The following ANKFY1 variants were observed in gnomAD, a reference collection of about 807,000 sequenced individuals.
ANKFY1 encodes ankyrin repeat and FYVE domain-containing protein 1.
ANKFY1 carries 47 observed loss-of-function variants against 128.3 expected under a neutral mutation model. That is an observed-to-expected ratio of 0.37 (90% CI 0.29 to 0.47). ANKFY1 has a LOEUF of 0.47. ANKFY1 is among the 20% of genes least tolerant of loss of function. The pLI, the probability that ANKFY1 is intolerant of heterozygous loss-of-function variation, is 1.00. For synonymous variants in ANKFY1, 553 were observed against 601.6 expected (o/e 0.92, Z 1.18); for missense variants, 1,222 against 1,510.6 (o/e 0.81, Z 3.17).
chr17:4,226,865 A>G (rs1567961171), intron 3 of ANKFY1, among the ~76,000 whole-genome samples: 1 of 152,186 alleles, frequency 6.6e-6, no homozygotes, highest in Non-Finnish European at 1.5e-5. Context: ...ATCAAGAAAA[A>G]AAGAGTGAGA....
rs1019067560 is a variant in ANKFY1, at chr17:4,172,503, C to T, written c.3139+53G>A. The stretch of plus-strand genomic sequence containing the variant: ...ACGTGTGCCTGGGCTCTTGCTTTTC[C>T]AGGAAGCAAGGTGCGCAAGTGAGAC... On this transcript the variant is annotated intron_variant, in intron 22 of 24. Coordinates refer to ENST00000341657, the MANE Select transcript of ANKFY1 (RefSeq NM_001330063.2). The T allele has an allele frequency of 3.8e-6, 6 of 1,586,590 alleles. No homozygotes were observed. In the East Asian group the frequency reaches 6.7e-5, roughly 18 times the overall value.
chr17:4,239,635 T>C (rs892969565), intron 2 of ANKFY1, among the ~76,000 whole-genome samples: 29 of 152,004 alleles, frequency 1.9e-4, no homozygotes, highest in Non-Finnish European at 1.5e-5. Context: ...ACCTCCCAGG[T>C]TGAAGCAATT....
chr17:4,192,360 G>A lies in ANKFY1; in HGVS notation c.1372+2618C>T, dbSNP rs537568303. ...TGCTCTAATCTGGAGACTCCTAGTT[G>A]ATGGTTAATCTGGAGACTCCTAGTT... On this transcript the variant is annotated intron_variant, in intron 10 of 24. Coordinates refer to ENST00000341657, the MANE Select transcript of ANKFY1 (RefSeq NM_001330063.2). Among the ~76,000 whole-genome samples, 317 of 148,722 alleles carry A rather than the reference G, an allele frequency of 2.1e-3. 2 individuals are homozygous for A. The highest frequency in any genetic ancestry group is 3.7e-3 in the Non-Finnish European group (252 of 67,334).
rs3051790 is a variant in ANKFY1 at position 4,194,458 on chromosome 17, C to CTTT, written c.1372+517_1372+519dup. ...GGGAAAGGGCTGTTTTAATATCCATCTTTTTTTTTTTTTTTTTTTTTGGTC... is the reference window on the plus strand; with the variant it reads ...GGGAAAGGGCTGTTTTAATATCCATCTTTTTTTTTTTTTTTTTTTTTTTTGGTC... On this transcript the variant is annotated intron_variant, in intron 10 of 24. Coordinates refer to ENST00000341657, the MANE Select transcript of ANKFY1 (RefSeq NM_001330063.2). The CTTT allele has an allele frequency of 3.8e-3, 387 of 101,840 alleles. 7 individuals are homozygous for CTTT. Among genetic ancestry groups the CTTT allele is most frequent in the Non-Finnish European group, 4.8e-3 (257 of 53,726 alleles). 6.3% of individuals were successfully genotyped at this position (101,840 alleles called of 1,614,324 possible). A position where few individuals can be genotyped will look rare whatever the true frequency, so the allele number is the denominator to read the frequency against.
At position 4,169,054 on chromosome 17, in the gene ANKFY1, G is replaced by A; in HGVS notation, c.3377+144C>T. 1.4e-6 allele frequency: 1 copy of A among 698,358 alleles called. No individual in the cohort carries two copies. Among genetic ancestry groups the A allele is most frequent in the Non-Finnish European group, 2.5e-6 (1 of 404,078 alleles). 43.3% of individuals were successfully genotyped at this position (698,358 alleles called of 1,614,324 possible). On this transcript the variant is annotated intron_variant, in intron 24 of 24. Transcript: ENST00000341657. The surrounding 1 kb of genome is among the most constrained non-coding windows in gnomAD (Gnocchi z 5.0). ...GTTCCTCAGTAGGATCCTTGGGTGT[G>A]CTCATCTCATCCCTCCATTTGGTCA... is the stretch of plus-strand genomic sequence containing the variant.
rs999029814 is a variant in ANKFY1 at position 4,169,672 on chromosome 17, C to T, written c.3287-384G>A. Among the ~76,000 whole-genome samples, 1 of 152,200 alleles carries T rather than the reference C, an allele frequency of 6.6e-6. No individual in the cohort carries two copies. Among genetic ancestry groups the T allele is most frequent in the African/African-American group, 2.4e-5 (1 of 41,440 alleles). ...ACAAGAGAAATTGAGGAGGCAAAAT[C>T]TGTAACTCAGTGACTGAACACAAGT... is the stretch of plus-strand genomic sequence containing the variant. On this transcript the variant is annotated intron_variant, in intron 23 of 24. Transcript: ENST00000341657. This position sits in a 1 kb window ranked among gnomAD's most constrained non-coding sequence, Gnocchi z 5.0.
rs566982074 is a variant in ANKFY1 at position 4,202,203 on chromosome 17, G to C, written c.898+4118C>G. Among the ~76,000 whole-genome samples the C allele has an allele frequency of 3.3e-5, 5 of 151,134 alleles. 1 individual carries two copies. In the South Asian group the frequency reaches 1.0e-3, roughly 32 times the overall value. ...ATTTCACTTGAGGCCAGGGGTTTGA[G>C]ACCAGCCTGGCCAACATGGCAAACC... is the stretch of plus-strand genomic sequence containing the variant. On this transcript the variant is annotated intron_variant, in intron 7 of 24. Transcript: ENST00000341657.
At chr17:4,212,133 T>A (rs1166925673) in intron 4 of ANKFY1, among the ~76,000 whole-genome samples, 2 of 152,160 alleles carry the variant, frequency 1.3e-5, no homozygotes, top group African/African-American at 4.8e-5. Flanking sequence ...TTCACCTCCC[T>A]CGCCTCCACT....
At chr17:4,232,550 A>G (rs9889825) in intron 3 of ANKFY1, among the ~76,000 whole-genome samples, 143,513 of 152,324 alleles carry the variant, frequency 0.94, 68,221 homozygotes, top group East Asian at 1. Context: ...AAAACCATTT[A>G]CTTTGAAGCG....
intron 2 of ANKFY1, among the ~76,000 whole-genome samples, chr17:4,238,319 C>T (rs1159480447): frequency 1.3e-5 from 2 of 151,946 alleles, no homozygotes; most frequent in Non-Finnish European, 2.9e-5. Flanking sequence ...ATTTTTTCCC[C>T]TACGTTGGTA....
At position 4,183,546 on chromosome 17, in the gene ANKFY1, G is replaced by A. The variant is rs751861911; in HGVS notation, c.1804C>T (p.His602Tyr). Residue 602 changes from histidine to tyrosine, a missense_variant, in exon 14 of 25, where the codon CAC (histidine) becomes TAC (tyrosine). His to Tyr is a moderately conservative substitution (Grantham distance 83). Transcript: ENST00000341657. ...VLGLALWTGMHTIAAQLLGSG... is the reference protein window; with the variant it reads ...VLGLALWTGMYTIAAQLLGSG... The stretch of plus-strand genomic sequence containing the variant: ...CCCAGCAGCTGGGCTGCGATCGTGT[G>A]CATGCCTGGGAAACAAGCCCCGATC... 1.9e-6 allele frequency: 3 copies of A among 1,611,986 alleles called. No homozygotes were observed. The highest frequency in any genetic ancestry group is 3.3e-5 in the Admixed American group (2 of 60,020).
chr17:4,173,826 G>A, intron 20 of ANKFY1, 83 bp downstream of exon 20: 1 of 1,520,008 alleles, frequency 6.6e-7, no homozygotes, highest in Non-Finnish European at 8.9e-7. Flanking sequence ...CTCCCCAGTG[G>A]GGAGCAGACC....
rs200991748 is a variant in ANKFY1 at position 4,183,898 on chromosome 17, T to C, written c.1712A>G (p.His571Arg). The C allele has an allele frequency of 1.1e-4, 180 of 1,612,610 alleles. No individual in the cohort carries two copies. The highest frequency in any genetic ancestry group is 1.5e-4 in the Non-Finnish European group (172 of 1,178,700). ...VILEQKANAL[H>R]ATNNLQIIPD... is the part of the protein sequence containing the mutation. ...AATGATCTGCAAGTTGTTGGTGGCA[T>C]GAAGAGCATTGGCTAAATGTTTGAA... The change falls in exon 13 of 25, where the codon CAT (histidine) becomes CGT (arginine). Residue 571 changes from histidine (H) to arginine (R), a missense_variant. Physicochemically the swap from His to Arg is conservative, Grantham distance 29. Coordinates refer to ENST00000341657, the MANE Select transcript of ANKFY1 (RefSeq NM_001330063.2).
rs1184766312 is a variant in ANKFY1 at position 4,243,356 on chromosome 17, G to A, written c.11-908C>T. ...GTCGGGAGTACAGGCATGAGCTACCGCGCCCAGCCTCTTTTTTTTTTTAAA... is the reference window on the plus strand; with the variant it reads ...GTCGGGAGTACAGGCATGAGCTACCACGCCCAGCCTCTTTTTTTTTTTAAA... On this transcript the variant is annotated intron_variant, in intron 1 of 24. Transcript: ENST00000341657. 4.0e-5 allele frequency among the ~76,000 whole-genome samples: 6 copies of A among 151,120 alleles called. No individual in the cohort carries two copies. In the East Asian group the frequency reaches 5.8e-4, roughly 15 times the overall value.
intron 8 of ANKFY1, among the ~76,000 whole-genome samples, chr17:4,196,136 G>A (rs775042775): frequency 7.1e-4 from 51 of 71,440 alleles, no homozygotes; most frequent in South Asian, 3.0e-3. Flanking sequence ...GCCCAAGGCT[G>A]CATCTACTAC....
rs1402085605 is a variant in ANKFY1, at chr17:4,174,016, C to T, written c.2816G>A (p.Arg939His). ...GAKVNELTKHRQTALHLAAQQ... is the reference protein window; with the variant it reads ...GAKVNELTKHHQTALHLAAQQ... Reference sequence around the variant, plus strand: ...GGCAGCAAGATGGAGGGCAGTCTGGCGATGCTTGGTTAATTCGTTCACTTT... The same window carrying T: ...GGCAGCAAGATGGAGGGCAGTCTGGTGATGCTTGGTTAATTCGTTCACTTT... Residue 939 changes from arginine (R) to histidine (H), a missense_variant, in exon 20 of 25, where the codon CGC becomes CAC. By Grantham distance (29) the Arg-to-His change is conservative. Transcript: ENST00000341657. 15 of 1,614,150 alleles carry T rather than the reference C, an allele frequency of 9.3e-6. No homozygotes were observed. The highest frequency in any genetic ancestry group is 5.5e-5 in the South Asian group (5 of 91,084).
chr17:4,181,026 C>A lies in ANKFY1; in HGVS notation c.2240+228G>T. The A allele has an allele frequency of 2.0e-6, 1 of 498,656 alleles. No individual in the cohort carries two copies. Among genetic ancestry groups the A allele is most frequent in the Non-Finnish European group, 3.7e-6 (1 of 273,542 alleles). The allele number at this position is 498,656 out of a possible 1,614,324, so 30.9% of individuals were successfully genotyped here. A position where few individuals can be genotyped will look rare whatever the true frequency, so the allele number is the denominator to read the frequency against. Reference sequence around the variant, plus strand: ...GGCAGCTCCCAAAGCAGGACGCTGACTCCAGCTTTCAGATTCTTTGATTCA... The same window carrying A: ...GGCAGCTCCCAAAGCAGGACGCTGAATCCAGCTTTCAGATTCTTTGATTCA... On this transcript the variant is annotated intron_variant, in intron 16 of 24. Coordinates refer to ENST00000341657, the MANE Select transcript of ANKFY1 (RefSeq NM_001330063.2). The surrounding 1 kb of genome is among the most constrained non-coding windows in gnomAD (Gnocchi z 4.9).
intron 14 of ANKFY1, 109 bp from the exon 15 acceptor site, chr17:4,182,458 A>T: frequency 1.3e-6 from 1 of 793,152 alleles, no homozygotes; most frequent in Non-Finnish European, 1.8e-6. Flanking sequence ...AATCATATTC[A>T]CTCACAATCA....
chr17:4,227,295 G>C (rs2060442073), intron 3 of ANKFY1, among the ~76,000 whole-genome samples: 1 of 151,992 alleles, frequency 6.6e-6, no homozygotes, highest in Non-Finnish European at 1.5e-5. Flanking sequence ...GATTACTGTT[G>C]TAAAATTTTT....
Sources: gnomAD v4.1 joint callset for allele counts (sites outside exome capture counted in the v4.1 genomes callset) on GRCh38, gnomAD v4.1.1 for gene constraint, Gnocchi (gnomAD v3.1) non-coding constraint, MANE v1.5 for transcripts, NCBI Gene and HGNC (gene_info 2026-07-23, HGNC 2026-07-21) for gene names.